Variants in AGBL4 observed in about 807,000 individuals in gnomAD.
AGBL4 encodes the protein AGBL carboxypeptidase 4.
In AGBL4, 58 loss-of-function variants were observed where a neutral mutation model predicts 66.4. That is an observed-to-expected ratio of 0.87 (90% CI 0.71 to 1.09). The LOEUF (loss-of-function observed/expected upper bound fraction) is 1.09. Among genes scored for constraint, AGBL4 ranks in the 50% least tolerant of loss-of-function variants. The pLI is 0.00. For missense variants in AGBL4, 579 were observed against 631.0 expected, an observed-to-expected ratio of 0.92 and a Z score of 0.88; for synonymous variants, 234 against 222.9, an observed-to-expected ratio of 1.05 and a Z score of -0.44.
intron 3 of AGBL4, among the ~76,000 whole-genome samples, chr1:49,665,472 T>C (rs1481682490): frequency 1.3e-5 from 2 of 152,140 alleles, no homozygotes; most frequent in African/African-American, 2.4e-5. Context: ...ATTCATAGTA[T>C]TTGTGAGGCT....
At chr1:49,902,471 G>A (rs899268041) in intron 1 of AGBL4, among the ~76,000 whole-genome samples, 7 of 152,058 alleles carry the variant, frequency 4.6e-5, no homozygotes, top group Non-Finnish European at 7.4e-5. Flanking sequence ...AAATCAGGCC[G>A]GGTGTGGTGG....
chr1:48,779,493 A>T (rs949004184), intron 6 of AGBL4, among the ~76,000 whole-genome samples: 2 of 152,134 alleles, frequency 1.3e-5, no homozygotes, highest in African/African-American at 2.4e-5. Flanking sequence ...ATCTCTTTCT[A>T]CTACAATATT....
intron 1 of AGBL4, among the ~76,000 whole-genome samples, chr1:50,009,322 A>G (rs374954280): frequency 3.9e-5 from 6 of 152,244 alleles, no homozygotes; most frequent in African/African-American, 1.4e-4. Flanking sequence ...ATCATGACCA[A>G]GTGGAATTTA....
intron 1 of AGBL4, among the ~76,000 whole-genome samples, chr1:50,001,691 G>T (rs1394676386): frequency 6.6e-6 from 1 of 152,086 alleles, no homozygotes; most frequent in Non-Finnish European, 1.5e-5. Flanking sequence ...CCTGCTAAAG[G>T]TGGCACCAGC....
intron 3 of AGBL4, among the ~76,000 whole-genome samples, chr1:49,289,466 T>C (rs1644493051): frequency 6.6e-6 from 1 of 152,162 alleles, no homozygotes; most frequent in Admixed American, 6.5e-5. Flanking sequence ...GATGAATCTA[T>C]AGTGTTTGAA....
intron 3 of AGBL4, among the ~76,000 whole-genome samples, chr1:49,611,738 G>A (rs1454064542): frequency 6.6e-6 from 1 of 152,078 alleles, no homozygotes; most frequent in Non-Finnish European, 1.5e-5. Flanking sequence ...ACAATGGAAT[G>A]GCATACTTTA....
intron 2 of AGBL4, among the ~76,000 whole-genome samples, chr1:49,713,765 G>A (rs899303590): frequency 6.6e-6 from 1 of 151,886 alleles, no homozygotes; most frequent in African/African-American, 2.4e-5. Flanking sequence ...GTACAAAGGA[G>A]GAACAATGTA....
At chr1:49,612,960 T>C (rs1323888814) in intron 3 of AGBL4, among the ~76,000 whole-genome samples, 1 of 152,060 alleles carries the variant, frequency 6.6e-6, no homozygotes, top group Non-Finnish European at 1.5e-5. Context: ...CTATTCACAA[T>C]AGCAAAAACA....
intron 5 of AGBL4, among the ~76,000 whole-genome samples, chr1:48,894,962 C>T (rs1651358333): frequency 6.6e-6 from 1 of 152,176 alleles, no homozygotes; most frequent in African/African-American, 2.4e-5. Flanking sequence ...CAAAGTTCAT[C>T]CACCTATTTG....
chr1:49,102,535 T>C (rs1038575139), intron 4 of AGBL4, among the ~76,000 whole-genome samples: 9 of 152,214 alleles, frequency 5.9e-5, no homozygotes, highest in African/African-American at 1.9e-4. Context: ...GGACTCACTA[T>C]TATAAAATAT....
rs777673442 is a variant in AGBL4, at chr1:48,736,420, C to T, written c.635-73179G>A. On this transcript the variant is annotated intron_variant, in intron 6 of 13. Transcript: ENST00000371839. The surrounding 1 kb of genome is among the most constrained non-coding windows in gnomAD (Gnocchi z 4.0). The stretch of plus-strand genomic sequence containing the variant: ...TTACTTGTAGCTGGTGCCATTTCTC[C>T]TCATCAACCCAAATCCCGCTTCCCA... The T allele has an allele frequency of 3.7e-6, 6 of 1,614,134 alleles. No individual in the cohort carries two copies. The highest frequency in any genetic ancestry group is 1.1e-5 in the South Asian group (1 of 91,090).
intron 6 of AGBL4, among the ~76,000 whole-genome samples, chr1:48,843,518 C>T (rs767883139): frequency 7.2e-5 from 11 of 151,888 alleles, no homozygotes; most frequent in East Asian, 3.9e-4. Context: ...TTCATATTTT[C>T]GAATAGTTAA....
intron 6 of AGBL4, among the ~76,000 whole-genome samples, chr1:48,852,553 C>G (rs1035392758): frequency 6.6e-6 from 1 of 152,166 alleles, no homozygotes; most frequent in Non-Finnish European, 1.5e-5. Flanking sequence ...AAGCTGGAAA[C>G]TAGACATTGG....
At position 49,136,259 on chromosome 1, in the gene AGBL4, C is replaced by T. The variant is rs368257894; in HGVS notation, c.378-90459G>A. ...TAAATGTAGATAATTTGAAAAGGAA[C>T]GTTTACTAGGTGCTGGTCATTTCAC... On this transcript the variant is annotated intron_variant, in intron 4 of 13. Transcript: ENST00000371839. 3.8e-4 allele frequency among the ~76,000 whole-genome samples: 58 copies of T among 152,128 alleles called. 1 individual carries two copies. In the South Asian group the frequency reaches 9.6e-3, roughly 25 times the overall value.
intron 5 of AGBL4, among the ~76,000 whole-genome samples, chr1:48,970,435 T>C (rs17105335): frequency 0.056 from 8,574 of 152,236 alleles, 252 homozygotes; most frequent in East Asian, 0.074. Flanking sequence ...ATATGTTTCT[T>C]ATGCATTTAC....
chr1:49,169,364 T>G (rs889671298), intron 4 of AGBL4, among the ~76,000 whole-genome samples: 1 of 152,210 alleles, frequency 6.6e-6, no homozygotes, highest in Non-Finnish European at 1.5e-5. Context: ...CCTTGCTGAA[T>G]GGATTACATC....
At chr1:49,886,683 T>A (rs1037810745) in intron 1 of AGBL4, among the ~76,000 whole-genome samples, 19 of 152,158 alleles carry the variant, frequency 1.2e-4, no homozygotes, top group African/African-American at 4.6e-4. Context: ...CACCCTGTCA[T>A]GCAGAAGCAG....
chr1:48,959,765 G>A (rs1246938135), intron 5 of AGBL4, among the ~76,000 whole-genome samples: 1 of 152,174 alleles, frequency 6.6e-6, no homozygotes, highest in Admixed American at 6.5e-5. Flanking sequence ...GAATATGCTT[G>A]GTGAGTGCAT....
intron 6 of AGBL4, among the ~76,000 whole-genome samples, chr1:48,748,302 C>T (rs1557939939): frequency 6.6e-6 from 1 of 152,208 alleles, no homozygotes; most frequent in Non-Finnish European, 1.5e-5. Flanking sequence ...GCCTCTGTTT[C>T]TTAGCCCCAT....
Sources: gnomAD v4.1 joint callset for allele counts (sites outside exome capture counted in the v4.1 genomes callset) on GRCh38, gnomAD v4.1.1 for gene constraint, Gnocchi (gnomAD v3.1) non-coding constraint, MANE v1.5 for transcripts, NCBI Gene and HGNC (gene_info 2026-07-23, HGNC 2026-07-21) for gene names.